The following SAP130 variants were observed in gnomAD, a reference collection of about 807,000 sequenced individuals.
The protein encoded by SAP130 is histone deacetylase complex subunit SAP130.
A neutral mutation model predicts 103.2 loss-of-function variants in SAP130; 16 were observed. The ratio of observed to expected loss-of-function variants is 0.16; its 90% CI spans 0.10 to 0.24. SAP130 has a LOEUF of 0.24. SAP130 is among the 10% of genes least tolerant of loss of function. The pLI is 1.00. For missense variants in SAP130, 990 were observed against 1,359.7 expected (o/e 0.73, Z 4.28); for synonymous variants, 477 against 497.0 (o/e 0.96, Z 0.53).
chr2:128,019,099 C>CA (rs1237898853), intron 2 of SAP130, among the ~76,000 whole-genome samples: 9 of 146,508 alleles, frequency 6.1e-5, no homozygotes, highest in African/African-American at 1.8e-4. Flanking sequence ...GGCTCCATCT[C>CA]AAAAAAAAGA....
chr2:127,957,901 C>CA, intron 15 of SAP130, among the ~76,000 whole-genome samples: 1 of 151,672 alleles, frequency 6.6e-6, no homozygotes, highest in African/African-American at 2.4e-5. Context: ...AGAGTTTCCC[C>CA]AAAAAAAGGA....
At position 127,989,754 on chromosome 2, in the gene SAP130, T is replaced by A; in HGVS notation, c.1590A>T (p.Arg530=). ...QLMTVDASHA[R]HIQGIQPAPI... Reference sequence around the variant, plus strand: ...GTGCTGGCTGGATCCCTTGAATATGTCGAGCATGCGATGCATCCACTGTCA... The same window carrying A: ...GTGCTGGCTGGATCCCTTGAATATGACGAGCATGCGATGCATCCACTGTCA... The change falls in exon 13 of 21, where the codon CGA becomes CGT. Residue 530 remains arginine, a synonymous_variant. Coordinates refer to ENST00000643581, the MANE Select transcript of SAP130 (RefSeq NM_001330301.2). The surrounding 1 kb of genome is among the most constrained non-coding windows in gnomAD (Gnocchi z 4.6). The A allele has an allele frequency of 6.2e-7, 1 of 1,614,186 alleles. No homozygotes were observed. Among genetic ancestry groups the A allele is most frequent in the Non-Finnish European group, 8.5e-7 (1 of 1,180,030 alleles).
chr2:127,988,325 G>A (rs546527865), intron 13 of SAP130, among the ~76,000 whole-genome samples: 3 of 151,614 alleles, frequency 2.0e-5, no homozygotes, highest in Admixed American at 6.6e-5. Flanking sequence ...ACGGGTGTCT[G>A]AGGCATAAGG....
intron 12 of SAP130, among the ~76,000 whole-genome samples, chr2:127,990,361 GAAA>G (rs981494436): frequency 7.6e-6 from 1 of 131,092 alleles, no homozygotes; most frequent in Non-Finnish European, 1.6e-5. Context: ...TGTGTATATT[GAAA>G]AAAAAAAAAG....
At chr2:127,975,769 C>T (rs893432228) in intron 15 of SAP130, among the ~76,000 whole-genome samples, 1 of 152,032 alleles carries the variant, frequency 6.6e-6, no homozygotes, top group African/African-American at 2.4e-5. Flanking sequence ...ACCCAGAGTC[C>T]GAGGAGAAGT....
chr2:127,943,987 GT>G (rs1380203146), intron 19 of SAP130, among the ~76,000 whole-genome samples: 1 of 152,102 alleles, frequency 6.6e-6, no homozygotes, highest in Non-Finnish European at 1.5e-5. Context: ...CTGTTGGGCG[GT>G]TACAAAAAAT....
At chr2:127,947,769 T>TGTGTGAGTGTGTGTGA (rs200856435) in intron 18 of SAP130, among the ~76,000 whole-genome samples, 3 of 147,642 alleles carry the variant, frequency 2.0e-5, no homozygotes, top group Non-Finnish European at 3.0e-5. Flanking sequence ...TGTGTCTGTG[T>TGTGTGAGTGTGTGTGA]GTGTGTGTGT....
At chr2:127,990,014 C>T (rs7598387) in intron 12 of SAP130, 148 bp from the exon 13 acceptor site, 19,495 of 749,884 alleles carry the variant, frequency 0.026, 1,440 homozygotes, top group African/African-American at 0.18. Flanking sequence ...AACATTGTTA[C>T]TTGAAACTTA....
intron 2 of SAP130, among the ~76,000 whole-genome samples, chr2:128,021,415 A>C (rs1387179465): frequency 4.0e-5 from 6 of 150,796 alleles, no homozygotes; most frequent in Non-Finnish European, 7.4e-5. Flanking sequence ...CCACTGCACT[A>C]CAGCCTGGGC....
chr2:128,021,281 T>C (rs551860311), intron 2 of SAP130, among the ~76,000 whole-genome samples: 88 of 151,280 alleles, frequency 5.8e-4, no homozygotes, highest in African/African-American at 1.9e-3. Flanking sequence ...ACCCTGTCTC[T>C]ACTAAAAATA....
At chr2:127,964,998 C>CAAAAAA (rs33926216) in intron 15 of SAP130, among the ~76,000 whole-genome samples, 2 of 136,452 alleles carry the variant, frequency 1.5e-5, no homozygotes, top group South Asian at 4.6e-4. Flanking sequence ...GACTCTGTCT[C>CAAAAAA]AAAAAAAAAA....
chr2:127,987,004 A>G (rs1157003950), intron 13 of SAP130, 42 bp from the exon 14 acceptor site: 1 of 1,558,466 alleles, frequency 6.4e-7, no homozygotes, highest in Non-Finnish European at 8.8e-7. Flanking sequence ...GAAGAGAGGG[A>G]AACAAAATGC....
At chr2:127,973,328 G>A (rs1232056456) in intron 15 of SAP130, among the ~76,000 whole-genome samples, 1 of 152,228 alleles carries the variant, frequency 6.6e-6, no homozygotes, top group Non-Finnish European at 1.5e-5. Context: ...TGCCTCCTGG[G>A]TTCAAGAGAT....
At chr2:127,973,907 C>T (rs769999461) in intron 15 of SAP130, among the ~76,000 whole-genome samples, 9 of 151,838 alleles carry the variant, frequency 5.9e-5, no homozygotes, top group Non-Finnish European at 1.0e-4. Flanking sequence ...AACCCCGTTT[C>T]GACAAAAAAA....
At chr2:127,988,029 T>A (rs1682523151) in intron 13 of SAP130, among the ~76,000 whole-genome samples, 1 of 152,200 alleles carries the variant, frequency 6.6e-6, no homozygotes, top group Non-Finnish European at 1.5e-5. Context: ...TGGGTCATCA[T>A]GGGTAAATTG....
In SAP130 at chr2:127,953,141, C is replaced by T. The variant is rs1238337616; in HGVS notation, c.2422+1845G>A. ...TAATCTTTCCCTACAAAACATGGTCCTCCTGCAGGCTTTCCTAATTCAGCC... is the reference window on the plus strand; with the variant it reads ...TAATCTTTCCCTACAAAACATGGTCTTCCTGCAGGCTTTCCTAATTCAGCC... On this transcript the variant is annotated intron_variant, in intron 16 of 20. Transcript: ENST00000643581. The surrounding 1 kb of genome is among the most constrained non-coding windows in gnomAD (Gnocchi z 4.0). Among the ~76,000 whole-genome samples, 1 of 152,184 alleles carries T rather than the reference C, an allele frequency of 6.6e-6. No individual in the cohort carries two copies. The highest frequency in any genetic ancestry group is 1.5e-5 in the Non-Finnish European group (1 of 68,038).
rs1487856044 is a variant in SAP130 at position 127,989,227 on chromosome 2, T to C, written c.1780+337A>G. On this transcript the variant is annotated intron_variant, in intron 13 of 20. Coordinates refer to ENST00000643581, the MANE Select transcript of SAP130 (RefSeq NM_001330301.2). This position sits in a 1 kb window ranked among gnomAD's most constrained non-coding sequence, Gnocchi z 4.6. ...CATTCTCTCGCCTCAGCCTCCCGAG[T>C]AGCTAGGACTACAGGCCCCCGCCAC... Among the ~76,000 whole-genome samples, 1 of 151,580 alleles carries C rather than the reference T, an allele frequency of 6.6e-6. No homozygotes were observed. Among genetic ancestry groups the C allele is most frequent in the Non-Finnish European group, 1.5e-5 (1 of 67,908 alleles).
intron 6 of SAP130, among the ~76,000 whole-genome samples, chr2:128,011,071 G>C (rs918442891): frequency 1.3e-5 from 2 of 151,926 alleles, no homozygotes; most frequent in Non-Finnish European, 2.9e-5. Context: ...CTTCAATCTA[G>C]AGTTGCCACA....
rs1678778143 is a variant in SAP130 at position 127,942,493 on chromosome 2, C to T, written c.2946G>A (p.Gln982=). 5.0e-6 allele frequency: 8 copies of T among 1,613,808 alleles called. No homozygotes were observed. Among genetic ancestry groups the T allele is most frequent in the Non-Finnish European group, 6.8e-6 (8 of 1,179,734 alleles). Residue 982 remains glutamine, a synonymous_variant, in exon 20 of 21, where the codon CAG becomes CAA. Transcript: ENST00000643581. The surrounding 1 kb of genome is among the most constrained non-coding windows in gnomAD (Gnocchi z 4.8). ...HDVYERLTNL[Q]EGIIPKKKAA... ...CTTTTTTCTTTGGGATAATCCCTTC[C>T]TGCAGGTTAGTAAGTCTTTCATAGA...
Sources: allele counts gnomAD v4.1 joint callset (sites outside exome capture counted in the v4.1 genomes callset), GRCh38; gene constraint gnomAD v4.1.1; non-coding constraint Gnocchi (gnomAD v3.1); transcripts MANE v1.5; gene names NCBI Gene and HGNC (gene_info 2026-07-23, HGNC 2026-07-21).